Variants in ABCC6 observed in about 807,000 individuals in gnomAD.
ABCC6 encodes ATP binding cassette subfamily C member 6, also known as ATP-binding cassette sub-family C member 6.
In ABCC6, 126 loss-of-function variants were observed where a neutral mutation model predicts 169.5. The ratio of observed to expected loss-of-function variants is 0.74; its 90% CI spans 0.64 to 0.86. The LOEUF is 0.86. Ranked by LOEUF, ABCC6 falls within the 40% of genes least tolerant of loss-of-function variation. The probability of loss-of-function intolerance (pLI) is 0.00; values close to 1 mark genes in which losing one functional copy is unlikely to be tolerated. For missense variants in ABCC6, 1,733 were observed against 1,927.2 expected, an observed-to-expected ratio of 0.90 and a Z score of 1.89; for synonymous variants, 752 against 814.7, an observed-to-expected ratio of 0.92 and a Z score of 1.31.
intron 29 of ABCC6, 106 bp from the exon 30 acceptor site, chr16:16,150,878 CTG>C: frequency 6.5e-7 from 1 of 1,536,912 alleles, no homozygotes; most frequent in Non-Finnish European, 8.8e-7. Flanking sequence ...AGTGAGGTGC[CTG>C]TGTTCAGGCA....
At chr16:16,164,490 C>T (rs964812355) in intron 23 of ABCC6, among the ~76,000 whole-genome samples, 14 of 152,096 alleles carry the variant, frequency 9.2e-5, no homozygotes, top group African/African-American at 3.4e-4. Flanking sequence ...GTTACTGTGA[C>T]GAGTTCAGAG....
chr16:16,219,059 CAAA>C (rs545447445), intron 4 of ABCC6, among the ~76,000 whole-genome samples: 1 of 10,374 alleles, frequency 9.6e-5, no homozygotes, highest in African/African-American at 3.1e-4. Context: ...GCAAGCCTCT[CAAA>C]AAAAAAAAAA....
chr16:16,202,273 C>CAGTGT, intron 8 of ABCC6, 95 bp from the exon 9 acceptor site: 1 of 1,399,662 alleles, frequency 7.1e-7, no homozygotes, highest in Non-Finnish European at 9.9e-7. Flanking sequence ...GAGGATCAGT[C>CAGTGT]GGCCCAAACT....
chr16:16,207,283 A>T (rs1454732928), intron 7 of ABCC6, among the ~76,000 whole-genome samples: 2 of 152,180 alleles, frequency 1.3e-5, no homozygotes, highest in African/African-American at 4.8e-5. Context: ...TGGGCATGGG[A>T]TTGGCCCCTG....
intron 7 of ABCC6, among the ~76,000 whole-genome samples, chr16:16,207,817 C>T (rs1439764353): frequency 4.0e-5 from 6 of 151,092 alleles, no homozygotes; most frequent in African/African-American, 1.5e-4. Context: ...ATCCCAGGCT[C>T]TAAGGGCTGC....
chr16:16,198,275 C>G, intron 9 of ABCC6, 93 bp from the exon 10 acceptor site: 1 of 1,401,846 alleles, frequency 7.1e-7, no homozygotes, highest in Non-Finnish European at 9.8e-7. Context: ...CCCCACCTCA[C>G]ACGTCTGCGA....
chr16:16,151,923 C>T (rs1039001981), intron 29 of ABCC6, among the ~76,000 whole-genome samples: 5 of 151,712 alleles, frequency 3.3e-5, no homozygotes, highest in South Asian at 2.1e-4. Context: ...CGGGGCACGG[C>T]GGCTCACACC....
chr16:16,151,116 G>A (rs1046792584), intron 29 of ABCC6, among the ~76,000 whole-genome samples: 6 of 151,326 alleles, frequency 4.0e-5, no homozygotes, highest in Admixed American at 1.3e-4. Context: ...CCAGGCTGGC[G>A]TGCAATGGCA....
chr16:16,150,549 G>C (rs780920285), intron 30 of ABCC6, 29 bp downstream of exon 30: 13 of 1,600,814 alleles, frequency 8.1e-6, no homozygotes, highest in East Asian at 2.2e-5. Flanking sequence ...CAGGGCTGCT[G>C]TGAGGTCAGG....
chr16:16,164,655 A>G lies in ABCC6; in HGVS notation c.3306+968T>C, dbSNP rs149211430. On this transcript the variant is annotated intron_variant, in intron 23 of 30. Transcript: ENST00000205557. ...GACCTGCCCTGGAAAGAGAGCGTGTACAAAATTAGACCAGAGGTAAGCCAG... is the reference window on the plus strand; with the variant it reads ...GACCTGCCCTGGAAAGAGAGCGTGTGCAAAATTAGACCAGAGGTAAGCCAG... Among the ~76,000 whole-genome samples the G allele has an allele frequency of 9.1e-3, 1,386 of 152,362 alleles. 14 individuals carry two copies. The highest frequency in any genetic ancestry group is 0.038 in the South Asian group (182 of 4,834).
At chr16:16,219,028 C>A (rs1186829803) in intron 4 of ABCC6, among the ~76,000 whole-genome samples, 2 of 91,796 alleles carry the variant, frequency 2.2e-5, no homozygotes, top group Non-Finnish European at 3.8e-5. Flanking sequence ...CATGCCACTT[C>A]ATTCCAGTCT....
At chr16:16,222,756 C>T (rs1370969043) in intron 1 of ABCC6, among the ~76,000 whole-genome samples, 1 of 151,564 alleles carries the variant, frequency 6.6e-6, no homozygotes, top group Non-Finnish European at 1.5e-5. Context: ...TGGACGTGGC[C>T]TCTTCAATTC....
chr16:16,209,554 A>G (rs1389180276), intron 6 of ABCC6, among the ~76,000 whole-genome samples: 1 of 151,646 alleles, frequency 6.6e-6, no homozygotes, highest in Non-Finnish European at 1.5e-5. Flanking sequence ...GTTGACCAAA[A>G]CTATCATTGT....
rs72653780 is a variant in ABCC6, at chr16:16,182,887, C to A, written c.1987G>T (p.Gly663Cys). Residue 663 changes from glycine to cysteine, a missense_variant, in exon 16 of 31, where the codon GGT (glycine) becomes TGT (cysteine). Gly to Cys is a radical substitution (Grantham distance 159). Coordinates refer to ENST00000205557, the MANE Select transcript of ABCC6 (RefSeq NM_001171.6). ...GAGGACTTCCCTGCCCCCACTGGAC[C>A]GACAACAGCCAGCAGACAGCCCTGG... ...VPQGCLLAVVGPVGAGKSSLL... is the reference protein window; with the variant it reads ...VPQGCLLAVVCPVGAGKSSLL... 15 of 1,613,890 alleles carry A rather than the reference C, an allele frequency of 9.3e-6. No homozygotes were observed. Among genetic ancestry groups the A allele is most frequent in the Non-Finnish European group, 1.3e-5 (15 of 1,179,986 alleles).
intron 13 of ABCC6, among the ~76,000 whole-genome samples, chr16:16,188,511 C>T (rs1017665145): frequency 3.3e-5 from 5 of 151,638 alleles, no homozygotes; most frequent in Non-Finnish European, 5.9e-5. Context: ...GAAACAAAAT[C>T]GCTTTGTATA....
chr16:16,195,049 C>A (rs1045024052), intron 10 of ABCC6, among the ~76,000 whole-genome samples: 2 of 151,996 alleles, frequency 1.3e-5, no homozygotes, highest in Non-Finnish European at 2.9e-5. Context: ...CCTAGTGGCT[C>A]AATGGAGAAG....
chr16:16,199,718 A>T (rs2152280039), intron 9 of ABCC6, among the ~76,000 whole-genome samples: 1 of 130,230 alleles, frequency 7.7e-6, no homozygotes, highest in Middle Eastern at 3.9e-3. Context: ...AACAGAGATG[A>T]GGCTTGCTCT....
In ABCC6 at chr16:16,188,897, G is replaced by A. The variant is rs2047744904; in HGVS notation, c.1713C>T (p.Leu571=). The A allele has an allele frequency of 6.2e-7, 1 of 1,614,160 alleles. No homozygotes were observed. The highest frequency in any genetic ancestry group is 8.5e-7 in the Non-Finnish European group (1 of 1,180,012). ...AMNAEKAFVT[L]TVLNILNKAQ... ...CCTTGTTGAGGATGTTGAGAACTGT[G>A]AGAGTCACAAAGGCTTTCTCTGCAT... The change falls in exon 13 of 31, where the codon CTC becomes CTT. Residue 571 remains leucine, a synonymous_variant. Coordinates refer to ENST00000205557, the MANE Select transcript of ABCC6 (RefSeq NM_001171.6).
chr16:16,174,696 G>T (rs1024108813), intron 20 of ABCC6, among the ~76,000 whole-genome samples: 1 of 147,918 alleles, frequency 6.8e-6, no homozygotes, highest in African/African-American at 2.5e-5. Flanking sequence ...GACGGGGATT[G>T]CAGTGAGCCG....
Sources: allele counts gnomAD v4.1 joint callset (sites outside exome capture counted in the v4.1 genomes callset), GRCh38; gene constraint gnomAD v4.1.1; transcripts MANE v1.5; gene names NCBI Gene and HGNC (gene_info 2026-07-23, HGNC 2026-07-21).